The following SLC30A5 variants were observed in gnomAD, a reference collection of about 807,000 sequenced individuals.
SLC30A5 encodes proton-coupled zinc antiporter SLC30A5.
In SLC30A5, 33 loss-of-function variants were observed where a neutral mutation model predicts 79.6. The observed-to-expected ratio is 0.41, with a 90% CI of 0.31 to 0.55. The LOEUF (loss-of-function observed/expected upper bound fraction) is 0.55, where lower values mean the gene tolerates loss of function less well. Ranked by LOEUF, SLC30A5 falls within the 20% of genes least tolerant of loss-of-function variation. The probability of loss-of-function intolerance (pLI) is 0.20; values close to 1 mark genes in which losing one functional copy is unlikely to be tolerated. For missense variants in SLC30A5, 788 were observed against 928.1 expected (o/e 0.85, Z 1.96); for synonymous variants, 299 against 319.7 (o/e 0.94, Z 0.69).
intron 4 of SLC30A5, among the ~76,000 whole-genome samples, chr5:69,108,009 T>C (rs1434170736): frequency 6.6e-6 from 1 of 152,202 alleles, no homozygotes; most frequent in Non-Finnish European, 1.5e-5. Flanking sequence ...GGATTATAGG[T>C]GTGAGCCACC....
At chr5:69,096,992 AC>A (rs1206937774) in intron 1 of SLC30A5, among the ~76,000 whole-genome samples, 178 of 150,766 alleles carry the variant, frequency 1.2e-3, no homozygotes, top group Non-Finnish European at 2.3e-3. Context: ...CCCCAAAAAA[AC>A]CCCCACAAAA....
chr5:69,119,107 A>C (rs1028527929), intron 12 of SLC30A5, among the ~76,000 whole-genome samples: 1 of 152,112 alleles, frequency 6.6e-6, no homozygotes, highest in Non-Finnish European at 1.5e-5. Context: ...GGCCAGCTAT[A>C]GCAACTTTTA....
Position 69,115,420 on chromosome 5 carries a change from C to T in SLC30A5, c.783+13C>T, listed in dbSNP as rs200041981. On this transcript the variant is annotated intron_variant, in intron 8 of 15. Coordinates refer to ENST00000396591, the MANE Select transcript of SLC30A5 (RefSeq NM_022902.5). ...TGTGACAACTGAGGTAAGATAAGAG[C>T]AAGAATTTATTGGTATTAAATTGCT... The T allele has an allele frequency of 6.3e-5, 100 of 1,597,730 alleles. No individual in the cohort carries two copies. In the East Asian group the frequency reaches 2.2e-3, roughly 35 times the overall value.
intron 14 of SLC30A5, among the ~76,000 whole-genome samples, chr5:69,124,758 T>C (rs1235581813): frequency 6.6e-6 from 1 of 152,080 alleles, no homozygotes; most frequent in Non-Finnish European, 1.5e-5. Flanking sequence ...TTAGTAGAGA[T>C]GGGGTTTCGC....
intron 3 of SLC30A5, among the ~76,000 whole-genome samples, chr5:69,103,410 T>G (rs1364365673): frequency 6.6e-6 from 1 of 152,148 alleles, no homozygotes. Context: ...GATTTACAAA[T>G]TGGACATGAA....
rs1433505019 is a variant in SLC30A5 at position 69,131,014 on chromosome 5, C to T, written c.*1397C>T. The T allele has an allele frequency of 6.6e-6, 1 of 151,884 alleles. No individual in the cohort carries two copies. Among genetic ancestry groups the T allele is most frequent in the Non-Finnish European group, 1.5e-5 (1 of 67,974 alleles). The allele number at this position is 151,884 out of a possible 1,614,324, so 9.4% of individuals were successfully genotyped here. ...TTATTTTTATATTCCTTGTCTTTTG[C>T]ATATTTTTTGGCCAAAATCTTCAAT... On this transcript the variant is annotated 3_prime_UTR_variant, in exon 16 of 16. Coordinates refer to ENST00000396591, the MANE Select transcript of SLC30A5 (RefSeq NM_022902.5).
chr5:69,098,314 A>G (rs1030527989), intron 1 of SLC30A5, among the ~76,000 whole-genome samples: 1 of 152,206 alleles, frequency 6.6e-6, no homozygotes, highest in Admixed American at 6.5e-5. Flanking sequence ...ACCTGAGGTC[A>G]GAAGTATGAG....
At chr5:69,122,543 A>C (rs926531398) in intron 13 of SLC30A5, among the ~76,000 whole-genome samples, 3 of 152,292 alleles carry the variant, frequency 2.0e-5, no homozygotes, top group African/African-American at 7.2e-5. Context: ...AGTCTCAGCT[A>C]CTCAGGAGGC....
In SLC30A5 at chr5:69,111,307, C is replaced by CT. The variant is rs572471039; in HGVS notation, c.448-1818dup. ...ACGCCCGGACTTTTTTTTTCTTTTT[C>CT]TTTTTTTTTTTTTTTGAGACAGAGT... is the stretch of plus-strand genomic sequence containing the variant. On this transcript the variant is annotated intron_variant, in intron 5 of 15. Transcript: ENST00000396591. 3.9e-3 allele frequency among the ~76,000 whole-genome samples: 369 copies of CT among 95,100 alleles called. 1 individual carries two copies. Among genetic ancestry groups the CT allele is most frequent in the Admixed American group, 5.0e-3 (43 of 8,632 alleles). 62.4% of individuals were successfully genotyped at this position (95,100 alleles called of 152,430 possible).
At chr5:69,102,242 C>T (rs564852989) in intron 2 of SLC30A5, among the ~76,000 whole-genome samples, 1 of 150,778 alleles carries the variant, frequency 6.6e-6, no homozygotes, top group African/African-American at 2.4e-5. Flanking sequence ...TTAGTAGACA[C>T]GGGGTTTTGC....
intron 14 of SLC30A5, among the ~76,000 whole-genome samples, chr5:69,123,970 G>A (rs558186077): frequency 1.4e-3 from 217 of 151,914 alleles, no homozygotes; most frequent in Middle Eastern, 0.01. Flanking sequence ...AAAATTAGCC[G>A]GGCGTGGTGG....
At chr5:69,115,168 T>TAA in intron 7 of SLC30A5, 69 bp from the exon 8 acceptor site, 2 of 699,968 alleles carry the variant, frequency 2.9e-6, no homozygotes, top group Non-Finnish European at 4.5e-6. Flanking sequence ...AAAAAAAAGA[T>TAA]CATGTATTTA....
At chr5:69,121,132 A>G (rs940896287) in intron 12 of SLC30A5, among the ~76,000 whole-genome samples, 4 of 152,174 alleles carry the variant, frequency 2.6e-5, no homozygotes, top group African/African-American at 4.8e-5. Context: ...CCCTGTCTCT[A>G]CCAAAGAAAA....
chr5:69,114,968 C>G (rs564029032), intron 7 of SLC30A5, among the ~76,000 whole-genome samples: 1 of 151,600 alleles, frequency 6.6e-6, no homozygotes, highest in Non-Finnish European at 1.5e-5. Flanking sequence ...GTTCCATTTC[C>G]TTAAATATTA....
chr5:69,105,422 T>C (rs867062887), intron 4 of SLC30A5, among the ~76,000 whole-genome samples: 9 of 152,272 alleles, frequency 5.9e-5, no homozygotes, highest in Non-Finnish European at 1.2e-4. Flanking sequence ...ATGAAGAATG[T>C]TCTTGGCCAG....
At chr5:69,107,008 G>A (rs1044128177) in intron 4 of SLC30A5, among the ~76,000 whole-genome samples, 9 of 151,784 alleles carry the variant, frequency 5.9e-5, no homozygotes, top group African/African-American at 2.2e-4. Flanking sequence ...GGGACTACAG[G>A]TGCCTACCAC....
At chr5:69,111,607 T>C (rs983175226) in intron 5 of SLC30A5, among the ~76,000 whole-genome samples, 1 of 152,170 alleles carries the variant, frequency 6.6e-6, no homozygotes, top group Admixed American at 6.5e-5. Context: ...CCTGGCCTTT[T>C]TTTCTTAATT....
At position 69,129,895 on chromosome 5, in the gene SLC30A5, G is replaced by A. The variant is rs114603483; in HGVS notation, c.*278G>A. On this transcript the variant is annotated 3_prime_UTR_variant, in exon 16 of 16. Coordinates refer to ENST00000396591, the MANE Select transcript of SLC30A5 (RefSeq NM_022902.5). ...TCAAAAATAGATATGATGGATTCTA[G>A]TGAAGACCAAAATTACTTCTGTTTA... The A allele has an allele frequency of 4.5e-6, 1 of 220,628 alleles. No homozygotes were observed. The highest frequency in any genetic ancestry group is 8.8e-6 in the Non-Finnish European group (1 of 113,128). 13.7% of individuals were successfully genotyped at this position (220,628 alleles called of 1,614,324 possible).
At chr5:69,101,391 G>A (rs1016074532) in intron 2 of SLC30A5, among the ~76,000 whole-genome samples, 1 of 151,308 alleles carries the variant, frequency 6.6e-6, no homozygotes, top group Non-Finnish European at 1.5e-5. Flanking sequence ...CGATTCTCCT[G>A]CCTCAGCCTC....
Sources: allele counts gnomAD v4.1 joint callset (sites outside exome capture counted in the v4.1 genomes callset), GRCh38; gene constraint gnomAD v4.1.1; transcripts MANE v1.5; gene names NCBI Gene and HGNC (gene_info 2026-07-23, HGNC 2026-07-21).